The following AFG2A variants were observed in gnomAD, a reference collection of about 807,000 sequenced individuals.
The protein encoded by AFG2A is ATPase family gene 2 protein homolog A.
chr4:123,016,949 G>A, the AFG2A span, among the ~76,000 whole-genome samples: 4 of 152,102 alleles, frequency 2.6e-5, no homozygotes, highest in East Asian at 1.9e-4. Context: ...GCGAAACCCC[G>A]TCTCCACCAA....
chr4:122,948,298 T>C, the AFG2A span, among the ~76,000 whole-genome samples: 1 of 151,678 alleles, frequency 6.6e-6, no homozygotes, highest in Non-Finnish European at 1.5e-5. Context: ...GCTTGAGCAG[T>C]CCTTAGATTT....
chr4:122,989,450 G>T, the AFG2A span, among the ~76,000 whole-genome samples: 2 of 152,132 alleles, frequency 1.3e-5, no homozygotes, highest in African/African-American at 2.4e-5. Flanking sequence ...TCTGTCCACT[G>T]GGGCTGACCT....
chr4:123,016,431 C>T, the AFG2A span, among the ~76,000 whole-genome samples: 2 of 151,610 alleles, frequency 1.3e-5, no homozygotes, highest in Non-Finnish European at 2.9e-5. Flanking sequence ...AGACGCTCCT[C>T]ACCTCCCAGA....
the AFG2A span, among the ~76,000 whole-genome samples, chr4:122,954,130 A>G: frequency 6.6e-6 from 1 of 152,146 alleles, no homozygotes; most frequent in African/African-American, 2.4e-5. Flanking sequence ...GCAGCCCACA[A>G]CCACCCAGCT....
chr4:122,969,867 C>G, the AFG2A span, among the ~76,000 whole-genome samples: 2 of 152,074 alleles, frequency 1.3e-5, no homozygotes, highest in Non-Finnish European at 2.9e-5. Context: ...TAAAGTTTCA[C>G]TTGTAATTAT....
the AFG2A span, among the ~76,000 whole-genome samples, chr4:122,959,678 G>T: frequency 5.3e-5 from 8 of 152,288 alleles, no homozygotes; most frequent in South Asian, 1.4e-3. Flanking sequence ...TAATCTAAAG[G>T]TTATTGTTTG....
chr4:123,248,835 A>G, the AFG2A span, among the ~76,000 whole-genome samples: 1,310 of 152,302 alleles, frequency 8.6e-3, 24 homozygotes, highest in African/African-American at 0.03. Context: ...CATCTGCCAT[A>G]TATTAGGAAT....
chr4:122,935,419 G>A, the AFG2A span, among the ~76,000 whole-genome samples: 1 of 151,570 alleles, frequency 6.6e-6, no homozygotes, highest in Non-Finnish European at 1.5e-5. Flanking sequence ...TTGGTTTTTC[G>A]ATCATTGATC....
the AFG2A span, among the ~76,000 whole-genome samples, chr4:123,127,246 A>G: frequency 6.6e-6 from 1 of 152,150 alleles, no homozygotes; most frequent in African/African-American, 2.4e-5. Flanking sequence ...AAATATTTAA[A>G]TCTCTTTAGT....
the AFG2A span, among the ~76,000 whole-genome samples, chr4:123,024,317 C>T: frequency 6.7e-6 from 1 of 150,254 alleles, no homozygotes; most frequent in South Asian, 2.1e-4. Context: ...AAAAAAATCA[C>T]CAAAGAAAAA....
chr4:122,939,071 C>CTCTCTTTT, the AFG2A span, among the ~76,000 whole-genome samples: 4 of 76,210 alleles, frequency 5.2e-5, 2 homozygotes, highest in African/African-American at 1.1e-4. Flanking sequence ...GGGATATGTT[C>CTCTCTTTT]TTTCTTTTTT....
the AFG2A span, among the ~76,000 whole-genome samples, chr4:123,098,188 C>G: frequency 6.6e-6 from 1 of 151,940 alleles, no homozygotes; most frequent in Non-Finnish European, 1.5e-5. Context: ...CCTTTAATGT[C>G]TGTTGTTCAT....
At chr4:123,159,386 C>G in the AFG2A span, among the ~76,000 whole-genome samples, 12 of 152,180 alleles carry the variant, frequency 7.9e-5, no homozygotes, top group African/African-American at 2.9e-4. Flanking sequence ...GGAGCCAAGT[C>G]AGATAGAAGT....
At chr4:123,074,095 A>ATTTTTTTTTTT in the AFG2A span, among the ~76,000 whole-genome samples, 1,289 of 101,872 alleles carry the variant, frequency 0.013, 45 homozygotes, top group East Asian at 0.018. Context: ...CTCAGATAGT[A>ATTTTTTTTTTT]TTTTTTTTTT....
the AFG2A span, among the ~76,000 whole-genome samples, chr4:123,103,378 A>G: frequency 6.6e-6 from 1 of 152,114 alleles, no homozygotes; most frequent in Admixed American, 6.6e-5. Flanking sequence ...CATTAAGTCT[A>G]TGCTATGTGT....
the AFG2A span, among the ~76,000 whole-genome samples, chr4:122,995,854 CAG>C: frequency 6.6e-6 from 1 of 152,280 alleles, no homozygotes; most frequent in Admixed American, 6.5e-5. Flanking sequence ...TATTTTCAGA[CAG>C]AGTAAAGGAG....
the AFG2A span, among the ~76,000 whole-genome samples, chr4:123,243,007 C>A: frequency 6.6e-6 from 1 of 152,212 alleles, no homozygotes; most frequent in Non-Finnish European, 1.5e-5. Flanking sequence ...TGCTCATCAT[C>A]ACTGGCCATC....
chr4:123,273,108 G>T, the AFG2A span, among the ~76,000 whole-genome samples: 1 of 152,094 alleles, frequency 6.6e-6, no homozygotes, highest in Non-Finnish European at 1.5e-5. Context: ...CAATTTCTTA[G>T]GTAGAGGGCT....
chr4:123,028,695 T>C, the AFG2A span, among the ~76,000 whole-genome samples: 1 of 152,220 alleles, frequency 6.6e-6, no homozygotes, highest in African/African-American at 2.4e-5. Flanking sequence ...TTTCTACATT[T>C]TTAATTATAG....
Sources: gnomAD v4.1 joint callset for allele counts (sites outside exome capture counted in the v4.1 genomes callset) on GRCh38, gnomAD v4.1.1 for gene constraint, MANE v1.5 for transcripts, NCBI Gene and HGNC (gene_info 2026-07-23, HGNC 2026-07-21) for gene names.